The following RFPL1 variants were observed in gnomAD, a reference collection of about 807,000 sequenced individuals.
RFPL1 encodes the protein ret finger protein like 1, also known as ret finger protein-like 1.
Under a neutral mutation model 9.6 loss-of-function variants are expected in RFPL1, and 6 were observed. The ratio of observed to expected loss-of-function variants is 0.62; its 90% CI spans 0.34 to 1.23. The LOEUF (loss-of-function observed/expected upper bound fraction) is 1.23. RFPL1 is among the 50% of genes most tolerant of loss of function. RFPL1 has a pLI of 0.03. For missense variants in RFPL1, 352 were observed against 398.4 expected (o/e 0.88, Z 0.99); for synonymous variants, 145 against 149.4 (o/e 0.97, Z 0.22).
chr22:29,397,134 C>T, the RFPL1 span, among the ~76,000 whole-genome samples: 1 of 151,486 alleles, frequency 6.6e-6, no homozygotes, highest in Admixed American at 6.6e-5. Flanking sequence ...TGGTCTCGAT[C>T]TCCTGACCTC....
At chr22:29,423,202 A>G in the RFPL1 span, 1 of 1,194,052 alleles carries the variant, frequency 8.4e-7, no homozygotes, top group South Asian at 1.2e-5. Context: ...CAAGAGAGAG[A>G]AGAGAGGGGT....
the RFPL1 span, among the ~76,000 whole-genome samples, chr22:29,425,705 G>A: frequency 1.3e-5 from 2 of 152,114 alleles, no homozygotes; most frequent in African/African-American, 4.8e-5. Context: ...GGTGGCTCAC[G>A]CCTGTAATCT....
the RFPL1 span, among the ~76,000 whole-genome samples, chr22:29,401,571 C>T: frequency 9.2e-5 from 14 of 152,216 alleles, no homozygotes; most frequent in African/African-American, 3.4e-4. Context: ...TCTTCCACGT[C>T]TAATCACCAA....
chr22:29,438,511 A>G (rs2062820163), upstream of RFPL1: 4 of 1,057,452 alleles, frequency 3.8e-6, no homozygotes, highest in South Asian at 6.4e-5. Flanking sequence ...ATGTTCATCA[A>G]TCAATCTCTT....
the RFPL1 span, among the ~76,000 whole-genome samples, chr22:29,391,750 C>T: frequency 2.6e-5 from 4 of 152,160 alleles, no homozygotes; most frequent in Non-Finnish European, 4.4e-5. Flanking sequence ...AGAACTGTGC[C>T]GAGGCAGGAA....
At chr22:29,396,423 C>T in the RFPL1 span, among the ~76,000 whole-genome samples, 14 of 152,248 alleles carry the variant, frequency 9.2e-5, no homozygotes, top group East Asian at 2.1e-3. Flanking sequence ...GGCACCATGC[C>T]CTTGGACTCT....
the RFPL1 span, among the ~76,000 whole-genome samples, chr22:29,399,974 G>A: frequency 9.3e-4 from 140 of 150,118 alleles, 1 homozygote; most frequent in South Asian, 3.0e-3. Context: ...GGATTGTAAG[G>A]TGTATCAAGC....
At chr22:29,389,701 G>C in the RFPL1 span, among the ~76,000 whole-genome samples, 4 of 147,018 alleles carry the variant, frequency 2.7e-5, no homozygotes, top group African/African-American at 1.0e-4. Flanking sequence ...AAAAAAAAAA[G>C]AAAAAAGAAA....
At chr22:29,403,385 A>G in the RFPL1 span, among the ~76,000 whole-genome samples, 3 of 152,164 alleles carry the variant, frequency 2.0e-5, no homozygotes, top group Non-Finnish European at 2.9e-5. Context: ...TTGACAAAGA[A>G]TATGGACTTT....
chr22:29,425,159 G>A, the RFPL1 span, among the ~76,000 whole-genome samples: 1 of 146,278 alleles, frequency 6.8e-6, no homozygotes, highest in Non-Finnish European at 1.5e-5. Context: ...AGCCGAGATT[G>A]CGCCACTGCA....
At chr22:29,442,081 G>C in exon 2 of RFPL1, 4 of 1,597,876 alleles carry the variant, frequency 2.5e-6, no homozygotes, top group Non-Finnish European at 3.4e-6. Context: ...GATAAACCCG[G>C]GCACTACTGA....
chr22:29,409,528 A>T, the RFPL1 span, among the ~76,000 whole-genome samples: 1 of 152,082 alleles, frequency 6.6e-6, no homozygotes, highest in South Asian at 2.1e-4. Context: ...TCCTTGTGGG[A>T]TTCCTCAGCA....
exon 2 of RFPL1, chr22:29,441,879 C>T (rs765414536): frequency 9.9e-6 from 16 of 1,613,570 alleles, no homozygotes; most frequent in Non-Finnish European, 1.3e-5. Flanking sequence ...CTTTCCTCTT[C>T]GTAGACCGCA....
the RFPL1 span, among the ~76,000 whole-genome samples, chr22:29,424,307 C>T: frequency 6.6e-6 from 1 of 152,140 alleles, no homozygotes; most frequent in Admixed American, 6.5e-5. Flanking sequence ...AAAGAAGTTA[C>T]ACAGGAACAA....
At chr22:29,390,114 A>C in the RFPL1 span, among the ~76,000 whole-genome samples, 3 of 152,206 alleles carry the variant, frequency 2.0e-5, no homozygotes, top group Non-Finnish European at 4.4e-5. Context: ...ACTCACCAAA[A>C]TATTGGTAAA....
At chr22:29,408,635 G>A in the RFPL1 span, among the ~76,000 whole-genome samples, 1 of 152,180 alleles carries the variant, frequency 6.6e-6, no homozygotes, top group African/African-American at 2.4e-5. Context: ...AGAATATCAA[G>A]TGAGTATCAT....
chr22:29,425,253 G>T, the RFPL1 span, among the ~76,000 whole-genome samples: 20 of 151,830 alleles, frequency 1.3e-4, no homozygotes, highest in African/African-American at 4.8e-4. Flanking sequence ...AATAAAATAG[G>T]CATTTGAATG....
At chr22:29,435,193 C>T (rs1569182595), upstream of RFPL1, among the ~76,000 whole-genome samples, 1 of 152,134 alleles carries the variant, frequency 6.6e-6, no homozygotes, top group Admixed American at 6.5e-5. Flanking sequence ...TACAGTTGTC[C>T]TTTGGGTTTT....
At chr22:29,435,941 C>T (rs1331429451), upstream of RFPL1, among the ~76,000 whole-genome samples, 1 of 152,084 alleles carries the variant, frequency 6.6e-6, no homozygotes, top group Non-Finnish European at 1.5e-5. Flanking sequence ...TAAATCAGGT[C>T]TGGAAAGATA....
Sources: gnomAD v4.1 joint callset for allele counts (sites outside exome capture counted in the v4.1 genomes callset) on GRCh38, gnomAD v4.1.1 for gene constraint, MANE v1.5 for transcripts, NCBI Gene and HGNC (gene_info 2026-07-23, HGNC 2026-07-21) for gene names.